Variants in CENPB observed in about 807,000 individuals in gnomAD.
CENPB encodes centromere protein B.
A neutral mutation model predicts 41.9 loss-of-function variants in CENPB; 19 were observed. The observed-to-expected ratio is 0.45, with a 90% CI of 0.32 to 0.67. CENPB has a LOEUF of 0.67. Among genes scored for constraint, CENPB ranks in the 30% least tolerant of loss-of-function variants. CENPB has a pLI of 0.04. For synonymous variants in CENPB, 399 were observed against 354.4 expected, an observed-to-expected ratio of 1.13 and a Z score of -1.41; for missense variants, 614 against 816.2, an observed-to-expected ratio of 0.75 and a Z score of 3.02.
chr20:3,785,430 G>A lies in CENPB; in HGVS notation c.1054C>T (p.Gln352Ter). 6.3e-7 allele frequency: 1 copy of A among 1,593,196 alleles called. No homozygotes were observed. ...LLKAMAALEG[Q>*]DPSGLQLGLT... ...CCCAGCTGCAGGCCTGAGGGATCCT[G>A]GCCCTCTAGCGCGGCCATGGCCTTG... The change falls in exon 1 of 1, where the codon CAG becomes TAG. Residue 352 changes from glutamine (Q) to a stop codon, truncating the protein, a stop_gained. Coordinates refer to ENST00000379751, the MANE Select transcript of CENPB (RefSeq NM_001810.6). LOFTEE classifies it high-confidence loss of function.
chr20:3,784,642 G>T lies in CENPB; in HGVS notation c.*42C>A, dbSNP rs2088801018. 2 of 1,605,656 alleles carry T rather than the reference G, an allele frequency of 1.2e-6. No individual in the cohort carries two copies. The highest frequency in any genetic ancestry group is 8.5e-7 in the Non-Finnish European group (1 of 1,175,672). On this transcript the variant is annotated 3_prime_UTR_variant, in exon 1 of 1. Coordinates refer to ENST00000379751, the MANE Select transcript of CENPB (RefSeq NM_001810.6). The surrounding 1 kb of genome is among the most constrained non-coding windows in gnomAD (Gnocchi z 5.2). ...CCAGAGAGTCCTCTGCCCTGGGGTGGTGCTGCCAATCTAGGTTGGGGGCAC... is the reference window on the plus strand; with the variant it reads ...CCAGAGAGTCCTCTGCCCTGGGGTGTTGCTGCCAATCTAGGTTGGGGGCAC...
chr20:3,785,734 G>A lies in CENPB; in HGVS notation c.750C>T (p.Pro250=). ...PPLVAGKSAK[P]RAGQAGLPCD... is the part of the protein sequence containing the mutation. ...AGGGCAGGCCGGCTTGGCCTGCGCG[G>A]GGCTTGGCCGACTTGCCGGCCACCA... Residue 250 remains proline (P), a synonymous_variant, in exon 1 of 1, where the codon CCC becomes CCT. Coordinates refer to ENST00000379751, the MANE Select transcript of CENPB (RefSeq NM_001810.6). The A allele has an allele frequency of 1.2e-6, 2 of 1,607,702 alleles. No homozygotes were observed. Among genetic ancestry groups the A allele is most frequent in the Non-Finnish European group, 1.7e-6 (2 of 1,177,262 alleles).
Position 3,784,455 on chromosome 20 carries a change from A to C in CENPB, c.*229T>G. On this transcript the variant is annotated 3_prime_UTR_variant, in exon 1 of 1. Coordinates refer to ENST00000379751, the MANE Select transcript of CENPB (RefSeq NM_001810.6). The surrounding 1 kb of genome is among the most constrained non-coding windows in gnomAD (Gnocchi z 5.2). ...CACCTGGTCCCCTGAGCCCAGGGCC[A>C]AATGGGGAGGAAAGAGGATTCTGAG... 1.9e-6 allele frequency: 1 copy of C among 538,112 alleles called. No individual in the cohort carries two copies. Among genetic ancestry groups the C allele is most frequent in the Non-Finnish European group, 3.3e-6 (1 of 301,270 alleles). 33.3% of individuals were successfully genotyped at this position (538,112 alleles called of 1,614,324 possible). A position where few individuals can be genotyped will look rare whatever the true frequency, so the allele number is the denominator to read the frequency against.
At position 3,786,286 on chromosome 20, in the gene CENPB, G is replaced by A. The variant is rs1251150058; in HGVS notation, c.198C>T (p.Arg66=). ...CGTAGGGAGACAGCTTGTTGGTCTT[G>A]CGGCAGGTGGAGGCCACCCCGTACT... ...ERKYGVASTC[R]KTNKLSPYDK... is the part of the protein sequence containing the mutation. Residue 66 remains arginine, a synonymous_variant, in exon 1 of 1, where the codon CGC becomes CGT. Transcript: ENST00000379751. 6.2e-7 allele frequency: 1 copy of A among 1,608,302 alleles called. No individual in the cohort carries two copies. The highest frequency in any genetic ancestry group is 2.2e-5 in the East Asian group (1 of 44,736).
In CENPB at chr20:3,786,285, T is replaced by C; in HGVS notation, c.199A>G (p.Lys67Glu). 6.2e-7 allele frequency: 1 copy of C among 1,608,310 alleles called. No individual in the cohort carries two copies. Among genetic ancestry groups the C allele is most frequent in the Non-Finnish European group, 8.5e-7 (1 of 1,179,606 alleles). The change falls in exon 1 of 1, where the codon AAG becomes GAG. Residue 67 changes from lysine (K) to glutamate (E), a missense_variant. By Grantham distance (56) the Lys-to-Glu change is moderately conservative. This residue lies in a region of CENPB where 77 missense variants were observed against 186.8 expected (regional missense o/e 0.41). Coordinates refer to ENST00000379751, the MANE Select transcript of CENPB (RefSeq NM_001810.6). The stretch of plus-strand genomic sequence containing the variant: ...TCGTAGGGAGACAGCTTGTTGGTCT[T>C]GCGGCAGGTGGAGGCCACCCCGTAC... ...RKYGVASTCR[K>E]TNKLSPYDKL...
chr20:3,784,870 C>G lies in CENPB; in HGVS notation c.1614G>C (p.Glu538Asp). The G allele has an allele frequency of 3.7e-6, 6 of 1,614,032 alleles. No individual in the cohort carries two copies. Among genetic ancestry groups the G allele is most frequent in the Non-Finnish European group, 5.1e-6 (6 of 1,179,962 alleles). Residue 538 changes from glutamate to aspartate, a missense_variant, in exon 1 of 1, where the codon GAG becomes GAC. Coordinates refer to ENST00000379751, the MANE Select transcript of CENPB (RefSeq NM_001810.6). This position sits in a 1 kb window ranked among gnomAD's most constrained non-coding sequence, Gnocchi z 5.2. Reference sequence around the variant, plus strand: ...CCTCCCCAAAGCTGGGTACAGGCACCTCATCACCATCCTCCTCATCATCAT... The same window carrying G: ...CCTCCCCAAAGCTGGGTACAGGCACGTCATCACCATCCTCCTCATCATCAT... ...DDDDDEEDGD[E>D]VPVPSFGEAM...
rs2146642226 is a variant in CENPB at position 3,786,565 on chromosome 20, C to T, written c.-82G>A. The T allele has an allele frequency of 3.2e-6, 1 of 314,374 alleles. No homozygotes were observed. Among genetic ancestry groups the T allele is most frequent in the Non-Finnish European group, 4.5e-6 (1 of 221,354 alleles). 19.5% of individuals were successfully genotyped at this position (314,374 alleles called of 1,614,324 possible). On this transcript the variant is annotated 5_prime_UTR_variant, in exon 1 of 1. Transcript: ENST00000379751. ...GGCCCGGGCCCGTGGCGGGGGGCAC[C>T]TGGCGGCCTCTCCCGCGCGCCCCGC...
At position 3,785,010 on chromosome 20, in the gene CENPB, C is replaced by T. The variant is rs759217770; in HGVS notation, c.1474G>A (p.Ala492Thr). 1 of 1,614,076 alleles carries T rather than the reference C, an allele frequency of 6.2e-7. No homozygotes were observed. The highest frequency in any genetic ancestry group is 8.5e-7 in the Non-Finnish European group (1 of 1,180,008). ...EAGGSFGAYG[A>T]QEEAQCPTLH... is the part of the protein sequence containing the mutation. ...GTAGGGCACTGGGCTTCCTCCTGGG[C>T]ACCATAAGCCCCGAAGCTGCCACCG... Residue 492 changes from alanine (A) to threonine (T), a missense_variant, in exon 1 of 1, where the codon GCC (alanine) becomes ACC (threonine). Around this residue, in one of 2 missense-constraint regions of CENPB, gnomAD observed 537 missense variants for 629.4 expected, o/e 0.85. Transcript: ENST00000379751.
Position 3,786,102 on chromosome 20 carries a change from G to A in CENPB, c.382C>T (p.Arg128Trp). 1 of 1,593,798 alleles carries A rather than the reference G, an allele frequency of 6.3e-7. No homozygotes were observed. The highest frequency in any genetic ancestry group is 8.5e-7 in the Non-Finnish European group (1 of 1,177,598). The change falls in exon 1 of 1, where the codon CGG becomes TGG. Residue 128 changes from arginine to tryptophan, a missense_variant. By Grantham distance (101) the Arg-to-Trp change is moderately radical. Coordinates refer to ENST00000379751, the MANE Select transcript of CENPB (RefSeq NM_001810.6). The part of the protein sequence containing the change: ...ASNGWLDRFR[R>W]RHGVVSCSGV... ...CTGCAGGACACCACGCCGTGGCGCC[G>A]GCGGAAGCGGTCCAGCCAGCCGTTG...
In CENPB at chr20:3,784,958, T is replaced by C; in HGVS notation, c.1526A>G (p.Asp509Gly). ...CTCTTCCTCACTGTCTGAATCAGAGTCCTCCCCACCTTCCAGGAAATGCAG... is the reference window on the plus strand; with the variant it reads ...CTCTTCCTCACTGTCTGAATCAGAGCCCTCCCCACCTTCCAGGAAATGCAG... ...PTLHFLEGGEDSDSDSEEEDD... is the reference protein window; with the variant it reads ...PTLHFLEGGEGSDSDSEEEDD... Residue 509 changes from aspartate (D) to glycine (G), a missense_variant, in exon 1 of 1, where the codon GAC becomes GGC. Physicochemically the swap from Asp to Gly is moderately conservative, Grantham distance 94 (BLOSUM62 -1). Around this residue, in one of 2 missense-constraint regions of CENPB, gnomAD observed 537 missense variants for 629.4 expected, o/e 0.85. Coordinates refer to ENST00000379751, the MANE Select transcript of CENPB (RefSeq NM_001810.6). The surrounding 1 kb of genome is among the most constrained non-coding windows in gnomAD (Gnocchi z 5.2). 2 of 1,613,700 alleles carry C rather than the reference T, an allele frequency of 1.2e-6. No individual in the cohort carries two copies. The highest frequency in any genetic ancestry group is 2.2e-5 in the South Asian group (2 of 91,054).
chr20:3,786,495 C>T lies in CENPB; in HGVS notation c.-12G>A. 1 of 1,174,762 alleles carries T rather than the reference C, an allele frequency of 8.5e-7. No individual in the cohort carries two copies. The highest frequency in any genetic ancestry group is 1.1e-6 in the Non-Finnish European group (1 of 914,008). The allele number at this position is 1,174,762 out of a possible 1,614,324, so 72.8% of individuals were successfully genotyped here. A position where few individuals can be genotyped will look rare whatever the true frequency, so the allele number is the denominator to read the frequency against. On this transcript the variant is annotated 5_prime_UTR_variant, in exon 1 of 1. Coordinates refer to ENST00000379751, the MANE Select transcript of CENPB (RefSeq NM_001810.6). ...CTCTTGGGGCCCATCCCGGCGCGCC[C>T]CCCGCCCCGGGGCCCGGCGCCGCCG...
In CENPB at chr20:3,785,817, G is replaced by T. The variant is rs1384665166; in HGVS notation, c.667C>A (p.Gln223Lys). Residue 223 changes from glutamine to lysine, a missense_variant, in exon 1 of 1, where the codon CAG becomes AAG. This residue lies in a region of CENPB where 537 missense variants were observed against 629.4 expected (regional missense o/e 0.85). Coordinates refer to ENST00000379751, the MANE Select transcript of CENPB (RefSeq NM_001810.6). ...GCGCATAGCAGGACGCTCAGGCGCT[G>T]GGTGGCTTGACGCGGCCGTCCGTCG... The part of the protein sequence containing the change: ...GGDGRPRQAT[Q>K]RLSVLLCANA... 6 of 1,609,398 alleles carry T rather than the reference G, an allele frequency of 3.7e-6. No homozygotes were observed. In the Admixed American group the frequency reaches 6.7e-5, roughly 18 times the overall value.
rs754455322 is a variant in CENPB, at chr20:3,785,098, TTCC to T, written c.1383_1385del (p.Glu462del). On this transcript the variant is annotated inframe_deletion, in exon 1 of 1. Coordinates refer to ENST00000379751, the MANE Select transcript of CENPB (RefSeq NM_001810.6). The stretch of plus-strand genomic sequence containing the variant: ...AGCCCTCCGAGGAGCTCTCCTCATC[TTCC>T]TCCTCTTCTTCATCACTATCAACAT... 3.4e-5 allele frequency: 54 copies of T among 1,609,970 alleles called. No individual in the cohort carries two copies. The highest frequency in any genetic ancestry group is 4.2e-5 in the Non-Finnish European group (49 of 1,178,178).
chr20:3,786,224 T>C lies in CENPB; in HGVS notation c.260A>G (p.Gln87Arg). 1 of 1,602,444 alleles carries C rather than the reference T, an allele frequency of 6.2e-7. No individual in the cohort carries two copies. The highest frequency in any genetic ancestry group is 8.5e-7 in the Non-Finnish European group (1 of 1,178,904). The stretch of plus-strand genomic sequence containing the variant: ...GACCGGCAGGCCGGCGGCGCGGATC[T>C]GCTGGAACCAGGCGATGAGCAAGCC... ...LEGLLIAWFQ[Q>R]IRAAGLPVKG... is the part of the protein sequence containing the mutation. The change falls in exon 1 of 1, where the codon CAG (glutamine) becomes CGG (arginine). Residue 87 changes from glutamine (Q) to arginine (R), a missense_variant. By Grantham distance (43) the Gln-to-Arg change is conservative (BLOSUM62 1). This residue lies in a region of CENPB where 77 missense variants were observed against 186.8 expected (regional missense o/e 0.41). Coordinates refer to ENST00000379751, the MANE Select transcript of CENPB (RefSeq NM_001810.6).
In CENPB at chr20:3,784,454, CA is replaced by C; in HGVS notation, c.*229del. The C allele has an allele frequency of 1.8e-6, 1 of 548,592 alleles. No homozygotes were observed. Among genetic ancestry groups the C allele is most frequent in the East Asian group, 3.3e-5 (1 of 30,522 alleles). 34.0% of individuals were successfully genotyped at this position (548,592 alleles called of 1,614,324 possible). A position where few individuals can be genotyped will look rare whatever the true frequency, so the allele number is the denominator to read the frequency against. On this transcript the variant is annotated 3_prime_UTR_variant, in exon 1 of 1. Coordinates refer to ENST00000379751, the MANE Select transcript of CENPB (RefSeq NM_001810.6). This position sits in a 1 kb window ranked among gnomAD's most constrained non-coding sequence, Gnocchi z 5.2. The stretch of plus-strand genomic sequence containing the variant: ...CCACCTGGTCCCCTGAGCCCAGGGC[CA>C]AATGGGGAGGAAAGAGGATTCTGAG...
In CENPB at chr20:3,784,443, G is replaced by A. The variant is rs1209861410; in HGVS notation, c.*241C>T. On this transcript the variant is annotated 3_prime_UTR_variant, in exon 1 of 1. Transcript: ENST00000379751. This position sits in a 1 kb window ranked among gnomAD's most constrained non-coding sequence, Gnocchi z 5.2. Reference sequence around the variant, plus strand: ...CCCCACCCGCCCCACCTGGTCCCCTGAGCCCAGGGCCAAATGGGGAGGAAA... The same window carrying A: ...CCCCACCCGCCCCACCTGGTCCCCTAAGCCCAGGGCCAAATGGGGAGGAAA... 3 of 522,928 alleles carry A rather than the reference G, an allele frequency of 5.7e-6. No homozygotes were observed. The African/African-American group carries it at 5.8e-5, about 10-fold the overall frequency. 32.4% of individuals were successfully genotyped at this position (522,928 alleles called of 1,614,324 possible).
In CENPB at chr20:3,784,380, A is replaced by G. The variant is rs1334014268; in HGVS notation, c.*304T>C. 2.1e-5 allele frequency: 8 copies of G among 373,688 alleles called. No homozygotes were observed. Among genetic ancestry groups the G allele is most frequent in the South Asian group, 1.9e-4 (7 of 37,414 alleles). 23.1% of individuals were successfully genotyped at this position (373,688 alleles called of 1,614,324 possible). ...CCCATCCCTGGCTGCTGCTGTGGTT[A>G]GTCCACTGAGGGCACGGTGTGGTAG... On this transcript the variant is annotated 3_prime_UTR_variant, in exon 1 of 1. Coordinates refer to ENST00000379751, the MANE Select transcript of CENPB (RefSeq NM_001810.6). The surrounding 1 kb of genome is among the most constrained non-coding windows in gnomAD (Gnocchi z 5.2).
At position 3,786,319 on chromosome 20, in the gene CENPB, C is replaced by A; in HGVS notation, c.165G>T (p.Ser55=). The part of the protein sequence containing the change: ...ILKNKRAILA[S]ERKYGVASTC... ...TGGAGGCCACCCCGTACTTGCGCTC[C>A]GACGCCAGGATGGCGCGCTTGTTCT... is the stretch of plus-strand genomic sequence containing the variant. The change falls in exon 1 of 1, where the codon TCG becomes TCT. Residue 55 remains serine, a synonymous_variant. Transcript: ENST00000379751. 1 of 1,607,390 alleles carries A rather than the reference C, an allele frequency of 6.2e-7. No homozygotes were observed. The highest frequency in any genetic ancestry group is 8.5e-7 in the Non-Finnish European group (1 of 1,179,710).
At position 3,786,373 on chromosome 20, in the gene CENPB, G is replaced by A. The variant is rs1203976573; in HGVS notation, c.111C>T (p.Ile37=). 9 of 1,604,522 alleles carry A rather than the reference G, an allele frequency of 5.6e-6. No individual in the cohort carries two copies. The highest frequency in any genetic ancestry group is 3.3e-5 in the Admixed American group (2 of 59,984). ...RKGEIARRFN[I]PPSTLSTILK... ...GGATCGTGCTCAGCGTGGACGGCGG[G>A]ATGTTGAAGCGCCGCGCGATCTCGC... Residue 37 remains isoleucine (I), a synonymous_variant, in exon 1 of 1, where the codon ATC becomes ATT. Transcript: ENST00000379751.
Sources: gnomAD v4.1 joint callset for allele counts on GRCh38, gnomAD v4.1.1 for gene constraint, gnomAD v4.1.1 regional missense constraint, Gnocchi (gnomAD v3.1) non-coding constraint, MANE v1.5 for transcripts, NCBI Gene and HGNC (gene_info 2026-07-23, HGNC 2026-07-21) for gene names.